KCTD16: variants seen among roughly 807,000 people sequenced by gnomAD.
The protein encoded by KCTD16 is potassium channel tetramerization domain containing 16.
A neutral mutation model predicts 33.2 loss-of-function variants in KCTD16; 13 were observed. The observed-to-expected ratio is 0.39, with a 90% CI of 0.25 to 0.62. KCTD16 has a LOEUF of 0.62. KCTD16 is among the 20% of genes least tolerant of loss of function. KCTD16 has a pLI of 0.50. For missense variants in KCTD16, 441 were observed against 525.1 expected (o/e 0.84, Z 1.57); for synonymous variants, 197 against 195.3 (o/e 1.01, Z -0.07).
intron 3 of KCTD16, among the ~76,000 whole-genome samples, chr5:144,405,306 A>G (rs1293116534): frequency 6.6e-6 from 1 of 152,232 alleles, no homozygotes; most frequent in Non-Finnish European, 1.5e-5. Context: ...ATGTTTAAGC[A>G]TGGTTTCCTA....
At chr5:144,179,232 C>T (rs1465858333) in intron 2 of KCTD16, among the ~76,000 whole-genome samples, 5 of 152,198 alleles carry the variant, frequency 3.3e-5, no homozygotes, top group African/African-American at 1.2e-4. Flanking sequence ...GTCCCCTACC[C>T]AGCAGAAAAG....
intron 3 of KCTD16, among the ~76,000 whole-genome samples, chr5:144,422,652 A>G (rs1003535944): frequency 6.6e-6 from 1 of 152,170 alleles, no homozygotes; most frequent in Non-Finnish European, 1.5e-5. Context: ...ACAGTAAATG[A>G]GTTTATATAA....
chr5:144,315,840 A>G (rs779323129), intron 3 of KCTD16, among the ~76,000 whole-genome samples: 12 of 152,348 alleles, frequency 7.9e-5, no homozygotes, highest in East Asian at 5.8e-4. Context: ...ATTATGAAAG[A>G]TGAATTACAC....
intron 3 of KCTD16, among the ~76,000 whole-genome samples, chr5:144,245,868 A>G (rs1163517172): frequency 1.3e-5 from 2 of 152,152 alleles, no homozygotes; most frequent in South Asian, 2.1e-4. Context: ...CATGCTTCCT[A>G]TGAAGCCTGC....
intron 3 of KCTD16, among the ~76,000 whole-genome samples, chr5:144,209,147 A>G (rs944646931): frequency 6.6e-6 from 1 of 152,200 alleles, no homozygotes; most frequent in East Asian, 1.9e-4. Flanking sequence ...ATTTGAAAAC[A>G]TAGCATCGTA....
At chr5:144,179,834 TATTC>T (rs1752580460) in intron 2 of KCTD16, among the ~76,000 whole-genome samples, 2 of 152,280 alleles carry the variant, frequency 1.3e-5, no homozygotes, top group African/African-American at 4.8e-5. Flanking sequence ...TTGTGGTATT[TATTC>T]ATTCGTTTAA....
At chr5:144,442,199 G>A (rs1237184040) in intron 3 of KCTD16, among the ~76,000 whole-genome samples, 1 of 152,032 alleles carries the variant, frequency 6.6e-6, no homozygotes, top group African/African-American at 2.4e-5. Context: ...CCAGTATTTT[G>A]TCAGAAGTAG....
intron 3 of KCTD16, among the ~76,000 whole-genome samples, chr5:144,295,252 G>A (rs867876304): frequency 2.0e-5 from 3 of 152,144 alleles, no homozygotes; most frequent in African/African-American, 7.2e-5. Context: ...AAGAGTCTTG[G>A]AGCCACCATT....
intron 3 of KCTD16, among the ~76,000 whole-genome samples, chr5:144,434,215 G>A (rs948516700): frequency 4.6e-5 from 7 of 152,056 alleles, no homozygotes; most frequent in Admixed American, 6.6e-5. Context: ...TGAGCTGACC[G>A]TGTGGGAAGA....
At chr5:144,371,160 T>C (rs1751957593) in intron 3 of KCTD16, among the ~76,000 whole-genome samples, 1 of 152,142 alleles carries the variant, frequency 6.6e-6, no homozygotes, top group Non-Finnish European at 1.5e-5. Flanking sequence ...TTTTGCCACC[T>C]GAAATCCAGA....
chr5:144,353,547 A>G (rs747240715), intron 3 of KCTD16, among the ~76,000 whole-genome samples: 1 of 152,198 alleles, frequency 6.6e-6, no homozygotes, highest in Non-Finnish European at 1.5e-5. Context: ...GTAAAAGTTA[A>G]AATAATGTAT....
At chr5:144,335,591 C>G (rs1282810597) in intron 3 of KCTD16, among the ~76,000 whole-genome samples, 1 of 152,152 alleles carries the variant, frequency 6.6e-6, no homozygotes, top group African/African-American at 2.4e-5. Flanking sequence ...ATAAAGGGCT[C>G]TAATAGAACT....
At chr5:144,393,195 C>G (rs73795531) in intron 3 of KCTD16, among the ~76,000 whole-genome samples, 2,057 of 152,162 alleles carry the variant, frequency 0.014, 40 homozygotes, top group African/African-American at 0.047. Context: ...TGATTCAGAG[C>G]AATAATCTTG....
At chr5:144,291,053 G>T (rs560257857) in intron 3 of KCTD16, among the ~76,000 whole-genome samples, 1 of 152,152 alleles carries the variant, frequency 6.6e-6, no homozygotes, top group Non-Finnish European at 1.5e-5. Flanking sequence ...GGTGGTGAAC[G>T]AAGACTTTGT....
At chr5:144,438,295 T>C (rs1028952400) in intron 3 of KCTD16, among the ~76,000 whole-genome samples, 2 of 152,328 alleles carry the variant, frequency 1.3e-5, no homozygotes, top group South Asian at 2.1e-4. Flanking sequence ...TTATTCAATC[T>C]GCTTTTAAAG....
intron 3 of KCTD16, among the ~76,000 whole-genome samples, chr5:144,299,021 C>T (rs1327015592): frequency 9.8e-6 from 1 of 102,380 alleles, no homozygotes; most frequent in African/African-American, 3.2e-5. Context: ...AAAAAAAATG[C>T]TATGAATAAG....
At chr5:144,274,435 A>G (rs1249272064) in intron 3 of KCTD16, among the ~76,000 whole-genome samples, 1 of 152,182 alleles carries the variant, frequency 6.6e-6, no homozygotes, top group Non-Finnish European at 1.5e-5. Flanking sequence ...TGATTCAGTC[A>G]TTAAGAATGA....
chr5:144,188,452 C>G (rs1752772430), intron 2 of KCTD16, among the ~76,000 whole-genome samples: 1 of 152,196 alleles, frequency 6.6e-6, no homozygotes, highest in Non-Finnish European at 1.5e-5. Context: ...CTTTCTCATC[C>G]TAACTCTTTT....
chr5:144,193,855 T>C (rs1160541447), intron 2 of KCTD16, among the ~76,000 whole-genome samples: 1 of 151,832 alleles, frequency 6.6e-6, no homozygotes, highest in Non-Finnish European at 1.5e-5. Flanking sequence ...AATTATTGAG[T>C]GTTGGGTGCC....
Sources: allele counts gnomAD v4.1 joint callset (sites outside exome capture counted in the v4.1 genomes callset), GRCh38; gene constraint gnomAD v4.1.1; transcripts MANE v1.5; gene names NCBI Gene and HGNC (gene_info 2026-07-23, HGNC 2026-07-21).